The following PAAF1 variants were observed in gnomAD, a reference collection of about 807,000 sequenced individuals.
The protein encoded by PAAF1 is proteasomal ATPase associated factor 1.
Under a neutral mutation model 52.8 loss-of-function variants are expected in PAAF1, and 46 were observed. The observed-to-expected ratio is 0.87, with a 90% CI of 0.69 to 1.11. The LOEUF (loss-of-function observed/expected upper bound fraction) is 1.11. PAAF1 is among the 50% of genes most tolerant of loss of function. The probability of loss-of-function intolerance (pLI) is 0.00; values close to 1 mark genes in which losing one functional copy is unlikely to be tolerated. For missense variants in PAAF1, 424 were observed against 477.4 expected (o/e 0.89, Z 1.04); for synonymous variants, 178 against 172.8 (o/e 1.03, Z -0.24).
intron 2 of PAAF1, chr11:73,879,368 C>T (rs943836566): frequency 6.6e-6 from 1 of 152,192 alleles, no homozygotes; most frequent in South Asian, 2.1e-4. Flanking sequence ...TTACTTGACC[C>T]TGCCATATCC....
At chr11:73,919,116 G>T in intron 10 of PAAF1, 84 bp downstream of exon 10, 2 of 1,251,466 alleles carry the variant, frequency 1.6e-6, no homozygotes, top group Non-Finnish European at 2.3e-6. Flanking sequence ...TCTATGGCTG[G>T]GTTGGGGCAT....
At chr11:73,892,812 C>T (rs566333865) in intron 4 of PAAF1, among the ~76,000 whole-genome samples, 166 of 152,198 alleles carry the variant, frequency 1.1e-3, no homozygotes, top group African/African-American at 3.6e-3. Context: ...GTGCCTGCCA[C>T]CACGCCCGGC....
At chr11:73,889,254 T>C in intron 3 of PAAF1, 2 of 1,354,778 alleles carry the variant, frequency 1.5e-6, no homozygotes, top group Non-Finnish European at 9.6e-7. Context: ...CAGTAAGTGC[T>C]TATGGTTGAA....
At chr11:73,880,698 A>AGG (rs1565123144) in intron 2 of PAAF1, 22 of 104,702 alleles carry the variant, frequency 2.1e-4, no homozygotes, top group African/African-American at 9.8e-4. Context: ...AAAAAAAAAA[A>AGG]AAAAAAAAAA....
upstream of PAAF1, chr11:73,876,949 C>A: frequency 7.0e-7 from 1 of 1,427,844 alleles, no homozygotes; most frequent in East Asian, 2.7e-5. Flanking sequence ...CACCTCTGTC[C>A]TCGCCGCACG....
At position 73,900,181 on chromosome 11, in the gene PAAF1, T is replaced by G. The variant is rs1366682743; in HGVS notation, c.382-89T>G. The G allele has an allele frequency of 4.0e-5, 56 of 1,386,568 alleles. 1 individual carries two copies. The East Asian group carries it at 1.3e-3, about 32-fold the overall frequency. The allele number at this position is 1,386,568 out of a possible 1,614,324, so 85.9% of individuals were successfully genotyped here. ...AGCATGTGGGTTTAGCATGTAGGTA[T>G]TTCATATAAGGGACCAGAGTATGGG... On this transcript the variant is annotated intron_variant, in intron 5 of 11. Transcript: ENST00000310571.
chr11:73,925,062 G>A (rs1950315858), intron 11 of PAAF1, among the ~76,000 whole-genome samples: 4 of 151,414 alleles, frequency 2.6e-5, no homozygotes, highest in Non-Finnish European at 4.4e-5. Context: ...GGCTGAGGCA[G>A]GAGAATCGCT....
intron 10 of PAAF1, 95 bp downstream of exon 10, chr11:73,919,127 G>C: frequency 9.4e-7 from 1 of 1,059,418 alleles, no homozygotes; most frequent in African/African-American, 1.6e-5. Flanking sequence ...GTTGGGGCAT[G>C]GTCCCCCATG....
In PAAF1 at chr11:73,927,333, G is replaced by C; in HGVS notation, c.1150G>C (p.Val384Leu). ...QIYTCCRDGL[V>L]RRYQLSDL ...CTACACATGCTGTCGAGACGGTCTTGTACGACGCTACCAGCTTTCTGACCT... is the reference window on the plus strand; with the variant it reads ...CTACACATGCTGTCGAGACGGTCTTCTACGACGCTACCAGCTTTCTGACCT... Residue 384 changes from valine to leucine, a missense_variant, in exon 12 of 12, where the codon GTA becomes CTA. By Grantham distance (32) the Val-to-Leu change is conservative. Coordinates refer to ENST00000310571, the MANE Select transcript of PAAF1 (RefSeq NM_025155.3). 1 of 1,614,140 alleles carries C rather than the reference G, an allele frequency of 6.2e-7. No individual in the cohort carries two copies.
At position 73,887,360 on chromosome 11, in the gene PAAF1, C is replaced by T; in HGVS notation, c.95C>T (p.Pro32Leu). The change falls in exon 3 of 12, where the codon CCA (proline) becomes CTA (leucine). Residue 32 changes from proline to leucine, a missense_variant. Coordinates refer to ENST00000310571, the MANE Select transcript of PAAF1 (RefSeq NM_025155.3). The part of the protein sequence containing the change: ...AWLSCHPPGK[P>L]SLYGSLTCQG... ...CTTCTTTTGTACCATATAGGGAAAC[C>T]ATCTTTGTATGGCAGCCTGACTTGT... 5.0e-6 allele frequency: 8 copies of T among 1,607,842 alleles called. No individual in the cohort carries two copies. Among genetic ancestry groups the T allele is most frequent in the Non-Finnish European group, 6.8e-6 (8 of 1,177,756 alleles).
chr11:73,922,227 G>T (rs529198891), intron 10 of PAAF1: 11 of 684,220 alleles, frequency 1.6e-5, no homozygotes, highest in South Asian at 1.5e-4. Flanking sequence ...CAGAGGAGCA[G>T]ATTTTTTGTA....
At position 73,924,714 on chromosome 11, in the gene PAAF1, A is replaced by G; in HGVS notation, c.1101+17A>G. The stretch of plus-strand genomic sequence containing the variant: ...GTGTACAAGGTACAGGCCTGAGACG[A>G]CACCAGACCTGGGTGATTCTCATGA... On this transcript the variant is annotated intron_variant, in intron 11 of 11. Coordinates refer to ENST00000310571, the MANE Select transcript of PAAF1 (RefSeq NM_025155.3). 2.5e-6 allele frequency: 4 copies of G among 1,600,840 alleles called. No homozygotes were observed. Among genetic ancestry groups the G allele is most frequent in the Non-Finnish European group, 3.4e-6 (4 of 1,168,406 alleles).
intron 6 of PAAF1, among the ~76,000 whole-genome samples, chr11:73,906,754 A>G (rs1041796699): frequency 1.7e-4 from 26 of 152,200 alleles, no homozygotes; most frequent in Admixed American, 3.3e-4. Context: ...GGTTAATCAC[A>G]TTGGATTGGC....
chr11:73,908,114 A>G (rs769739929), intron 6 of PAAF1, among the ~76,000 whole-genome samples: 2 of 151,826 alleles, frequency 1.3e-5, no homozygotes, highest in Non-Finnish European at 2.9e-5. Flanking sequence ...CAATGGGACT[A>G]CTCTTTCTTG....
chr11:73,897,439 C>T lies in PAAF1; in HGVS notation c.283-1707C>T, dbSNP rs1340326574. Among the ~76,000 whole-genome samples, 6 of 149,762 alleles carry T rather than the reference C, an allele frequency of 4.0e-5. No individual in the cohort carries two copies. In the East Asian group the frequency reaches 1.2e-3, roughly 30 times the overall value. On this transcript the variant is annotated intron_variant, in intron 4 of 11. Coordinates refer to ENST00000310571, the MANE Select transcript of PAAF1 (RefSeq NM_025155.3). The stretch of plus-strand genomic sequence containing the variant: ...CCTCACTTCTCAGACGGGGCGGTTG[C>T]CAGGCAGAGGGTCTCCTCACTTCTC...
chr11:73,890,973 G>C, intron 3 of PAAF1, 139 bp from the exon 4 acceptor site: 2 of 590,122 alleles, frequency 3.4e-6, no homozygotes, highest in South Asian at 3.7e-5. Context: ...TAGTTTTGTG[G>C]GGTGGGAAAG....
Position 73,881,535 on chromosome 11 carries a change from GC to G in PAAF1, c.88+2718del, listed in dbSNP as rs1474274810. 3.9e-5 allele frequency among the ~76,000 whole-genome samples: 6 copies of G among 152,200 alleles called. No homozygotes were observed. The East Asian group carries it at 9.6e-4, about 24-fold the overall frequency. On this transcript the variant is annotated intron_variant, in intron 2 of 11. Coordinates refer to ENST00000310571, the MANE Select transcript of PAAF1 (RefSeq NM_025155.3). ...ACTCCTGAGCTCAAGTGATCCGCCC[GC>G]CTTGGCCTCCCAAAGTGCTGGGGTT...
At chr11:73,913,230 A>G (rs1267775408) in intron 7 of PAAF1, among the ~76,000 whole-genome samples, 1 of 152,108 alleles carries the variant, frequency 6.6e-6, no homozygotes, top group African/African-American at 2.4e-5. Context: ...AGGTCTTCAC[A>G]TGACTGGTTT....
At chr11:73,894,340 A>T (rs965314189) in intron 4 of PAAF1, among the ~76,000 whole-genome samples, 2 of 152,102 alleles carry the variant, frequency 1.3e-5, no homozygotes, top group African/African-American at 4.8e-5. Flanking sequence ...TTGTCTCTAC[A>T]AAAAAATAAA....
Sources: gnomAD v4.1 joint callset for allele counts (sites outside exome capture counted in the v4.1 genomes callset) on GRCh38, gnomAD v4.1.1 for gene constraint, MANE v1.5 for transcripts, NCBI Gene and HGNC (gene_info 2026-07-23, HGNC 2026-07-21) for gene names.